Variants in GALNTL6 observed in about 807,000 individuals in gnomAD.
GALNTL6 encodes polypeptide N-acetylgalactosaminyltransferase like 6, also known as polypeptide N-acetylgalactosaminyltransferase-like 6.
A neutral mutation model predicts 73.7 loss-of-function variants in GALNTL6; 46 were observed. The ratio of observed to expected loss-of-function variants is 0.62; its 90% CI spans 0.49 to 0.80. The LOEUF is 0.80. Among genes scored for constraint, GALNTL6 ranks in the 30% least tolerant of loss-of-function variants. The pLI, the probability that GALNTL6 is intolerant of heterozygous loss-of-function variation, is 0.00. For missense variants in GALNTL6, 604 were observed against 755.0 expected (o/e 0.80, Z 2.34); for synonymous variants, 259 against 263.7 (o/e 0.98, Z 0.17).
chr4:172,491,488 G>A (rs1047195741), intron 5 of GALNTL6, among the ~76,000 whole-genome samples: 1 of 152,034 alleles, frequency 6.6e-6, no homozygotes, highest in African/African-American at 2.4e-5. Flanking sequence ...GTTCTGGCTC[G>A]TATTGACAAT....
At chr4:172,916,784 A>G (rs964464878) in intron 8 of GALNTL6, among the ~76,000 whole-genome samples, 1 of 152,054 alleles carries the variant, frequency 6.6e-6, no homozygotes, top group African/African-American at 2.4e-5. Flanking sequence ...CCTGCTCATG[A>G]ATAGAAAGAA....
At chr4:172,260,301 G>T (rs1163375543) in intron 3 of GALNTL6, among the ~76,000 whole-genome samples, 1 of 151,556 alleles carries the variant, frequency 6.6e-6, no homozygotes, top group African/African-American at 2.4e-5. Flanking sequence ...TCTGTGTAGA[G>T]ATCTTTCACT....
chr4:171,948,200 C>G (rs1453965060), intron 2 of GALNTL6, among the ~76,000 whole-genome samples: 2 of 151,974 alleles, frequency 1.3e-5, no homozygotes, highest in African/African-American at 4.8e-5. Flanking sequence ...GTGAATGGCA[C>G]AGAGCCTCTT....
chr4:172,296,853 T>A (rs1452996939), intron 3 of GALNTL6, among the ~76,000 whole-genome samples: 1 of 152,210 alleles, frequency 6.6e-6, no homozygotes, highest in Non-Finnish European at 1.5e-5. Flanking sequence ...AGCAGCATGA[T>A]TTATAATCCT....
At chr4:172,062,486 A>C (rs958070252) in intron 2 of GALNTL6, among the ~76,000 whole-genome samples, 2 of 152,208 alleles carry the variant, frequency 1.3e-5, no homozygotes, top group Admixed American at 1.3e-4. Flanking sequence ...CATGTCCCCA[A>C]AACACACACA....
At chr4:171,845,551 A>G (rs1430565448) in intron 2 of GALNTL6, among the ~76,000 whole-genome samples, 1 of 152,136 alleles carries the variant, frequency 6.6e-6, no homozygotes, top group Non-Finnish European at 1.5e-5. Context: ...GTTCTTACTA[A>G]TGGAACGTGA....
chr4:172,499,956 A>T (rs1233304199), intron 5 of GALNTL6, among the ~76,000 whole-genome samples: 2 of 152,188 alleles, frequency 1.3e-5, no homozygotes, highest in Non-Finnish European at 2.9e-5. Context: ...AATAATTCTT[A>T]CCTCTCTTAC....
intron 2 of GALNTL6, among the ~76,000 whole-genome samples, chr4:171,977,490 G>A (rs1164925321): frequency 6.6e-6 from 1 of 150,404 alleles, no homozygotes; most frequent in Non-Finnish European, 1.5e-5. Context: ...GGGTGTAGAT[G>A]GCTGTCTTCT....
At position 172,224,085 on chromosome 4, in the gene GALNTL6, A is replaced by G. The variant is rs144127992; in HGVS notation, c.139-5571A>G. 1.7e-3 allele frequency among the ~76,000 whole-genome samples: 263 copies of G among 152,278 alleles called. 2 individuals are homozygous for G. The highest frequency in any genetic ancestry group is 6.2e-3 in the African/African-American group (257 of 41,580). ...CTCAGTGACTATGTTAAGATTTTTC[A>G]AGGGCAATGGAAATAACTCAACTAT... On this transcript the variant is annotated intron_variant, in intron 2 of 12. Transcript: ENST00000506823.
intron 2 of GALNTL6, among the ~76,000 whole-genome samples, chr4:171,844,928 C>T (rs530914107): frequency 4.6e-5 from 7 of 152,224 alleles, no homozygotes; most frequent in African/African-American, 1.7e-4. Context: ...AAACAATCAG[C>T]ATGAAATAGT....
intron 2 of GALNTL6, among the ~76,000 whole-genome samples, chr4:172,199,800 A>C (rs1052993446): frequency 4.6e-5 from 7 of 152,146 alleles, no homozygotes; most frequent in Admixed American, 2.0e-4. Flanking sequence ...ATAGTGGGAA[A>C]GTCCTAAGGC....
chr4:171,828,348 T>C (rs1734879035), intron 2 of GALNTL6, among the ~76,000 whole-genome samples: 1 of 152,156 alleles, frequency 6.6e-6, no homozygotes, highest in South Asian at 2.1e-4. Context: ...CTCATATTTC[T>C]GGCCATGCTT....
In GALNTL6 at chr4:172,304,689, G is replaced by A. The variant is rs116606337; in HGVS notation, c.248-6925G>A. Among the ~76,000 whole-genome samples the A allele has an allele frequency of 7.9e-3, 1,203 of 151,432 alleles. 12 individuals carry two copies. The highest frequency in any genetic ancestry group is 0.027 in the African/African-American group (1,128 of 41,278). On this transcript the variant is annotated intron_variant, in intron 3 of 12. Transcript: ENST00000506823. ...TCACTAGCAGGGTTTTTTTTCCCCC[G>A]GACATAAACCTACTTTATCTCTCAG...
intron 2 of GALNTL6, among the ~76,000 whole-genome samples, chr4:171,885,601 T>A (rs1173018312): frequency 6.6e-6 from 1 of 151,434 alleles, no homozygotes; most frequent in Non-Finnish European, 1.5e-5. Context: ...AGCCTTGGAG[T>A]TTGGGAGCAG....
rs553030292 is a variant in GALNTL6 at position 172,224,152 on chromosome 4, A to G, written c.139-5504A>G. On this transcript the variant is annotated intron_variant, in intron 2 of 12. Transcript: ENST00000506823. Reference sequence around the variant, plus strand: ...GATGATGAAAACAATTGGCATTTATATATCAAGTTTTGATAAACCAAGGGC... The same window carrying G: ...GATGATGAAAACAATTGGCATTTATGTATCAAGTTTTGATAAACCAAGGGC... Among the ~76,000 whole-genome samples, 17 of 152,332 alleles carry G rather than the reference A, an allele frequency of 1.1e-4. No individual in the cohort carries two copies. In the Middle Eastern group the frequency reaches 0.01, roughly 91 times the overall value.
At chr4:172,216,874 ATTGGT>A (rs915598967) in intron 2 of GALNTL6, among the ~76,000 whole-genome samples, 1 of 152,110 alleles carries the variant, frequency 6.6e-6, no homozygotes, top group African/African-American at 2.4e-5. Context: ...TAAGAAATAC[ATTGGT>A]TTGGTCCAGA....
chr4:172,376,311 G>A (rs1158213868), intron 5 of GALNTL6, among the ~76,000 whole-genome samples: 3 of 152,160 alleles, frequency 2.0e-5, no homozygotes, highest in Non-Finnish European at 4.4e-5. Context: ...AGGAGTCAAG[G>A]GTCAGGGTAG....
chr4:172,203,737 G>T (rs974121816), intron 2 of GALNTL6, among the ~76,000 whole-genome samples: 7 of 151,966 alleles, frequency 4.6e-5, no homozygotes, highest in African/African-American at 1.5e-4. Context: ...CATCTTGACA[G>T]ATTTTTTTTT....
intron 2 of GALNTL6, among the ~76,000 whole-genome samples, chr4:172,122,440 G>C (rs1221584270): frequency 6.6e-6 from 1 of 152,046 alleles, no homozygotes; most frequent in East Asian, 1.9e-4. Flanking sequence ...CAGGCAGTTT[G>C]GTGAACTTTC....
Sources: gnomAD v4.1 joint callset for allele counts (sites outside exome capture counted in the v4.1 genomes callset) on GRCh38, gnomAD v4.1.1 for gene constraint, MANE v1.5 for transcripts, NCBI Gene and HGNC (gene_info 2026-07-23, HGNC 2026-07-21) for gene names.